ODAD2: variants seen among roughly 807,000 people sequenced by gnomAD.
ODAD2 encodes outer dynein arm-docking complex subunit 2.
Under a neutral mutation model 106.8 loss-of-function variants are expected in ODAD2, and 89 were observed. That is an observed-to-expected ratio of 0.83 (90% confidence interval 0.70 to 0.99). The LOEUF is 0.99. ODAD2 is among the 50% of genes least tolerant of loss of function. The pLI is 0.00. For missense variants in ODAD2, 1,168 were observed against 1,238.5 expected (o/e 0.94, Z 0.85); for synonymous variants, 404 against 436.2 (o/e 0.93, Z 0.92).
At chr10:27,875,841 C>T (rs572961438) in intron 17 of ODAD2, among the ~76,000 whole-genome samples, 6 of 152,272 alleles carry the variant, frequency 3.9e-5, no homozygotes, top group Non-Finnish European at 8.8e-5. Flanking sequence ...CGGGTCACTC[C>T]CACCCTAATA....
intron 9 of ODAD2, among the ~76,000 whole-genome samples, chr10:27,966,186 C>G (rs1848476756): frequency 6.6e-6 from 1 of 152,316 alleles, no homozygotes; most frequent in Admixed American, 6.5e-5. Flanking sequence ...TGATTATGCT[C>G]TCTGGACCCT....
chr10:27,824,428 T>C (rs1252339165), intron 19 of ODAD2, among the ~76,000 whole-genome samples: 1 of 152,178 alleles, frequency 6.6e-6, no homozygotes. Context: ...CCATCTGCTC[T>C]CTGTCTCATG....
intron 19 of ODAD2, among the ~76,000 whole-genome samples, chr10:27,814,152 GA>G (rs937013959): frequency 4.6e-5 from 7 of 152,108 alleles, no homozygotes; most frequent in East Asian, 1.9e-4. Context: ...CAAAATGGGG[GA>G]AAAAAGGGAA....
chr10:27,995,149 C>T lies in ODAD2; in HGVS notation c.-7G>A, dbSNP rs368087120. 1,139 of 1,614,104 alleles carry T rather than the reference C, an allele frequency of 7.1e-4. 2 individuals are homozygous for T. Among genetic ancestry groups the T allele is most frequent in the Non-Finnish European group, 9.1e-4 (1,072 of 1,180,028 alleles). On this transcript the variant is annotated 5_prime_UTR_variant, in exon 2 of 20. Transcript: ENST00000305242. ...TCCTCAGAGCCACACCCATGGGATC[C>T]ACCGTGCTCAGACCTGAGCTTAGCA...
chr10:27,908,577 C>G (rs1349962693), intron 16 of ODAD2, among the ~76,000 whole-genome samples: 1 of 152,010 alleles, frequency 6.6e-6, no homozygotes, highest in Admixed American at 6.6e-5. Flanking sequence ...AAACTCAAAG[C>G]AGATGAAAAA....
intron 7 of ODAD2, among the ~76,000 whole-genome samples, chr10:27,972,441 C>T (rs1848922291): frequency 6.6e-6 from 1 of 152,106 alleles, no homozygotes; most frequent in Admixed American, 6.6e-5. Flanking sequence ...TTAGTAGTTA[C>T]ATCAAATGAA....
rs139517333 is a variant in ODAD2, at chr10:27,936,858, C to T, written c.2120G>A (p.Arg707Gln). The T allele has an allele frequency of 1.4e-4, 230 of 1,611,194 alleles. No individual in the cohort carries two copies. The highest frequency in any genetic ancestry group is 1.7e-4 in the Non-Finnish European group (201 of 1,179,130). Residue 707 changes from arginine (R) to glutamine (Q), a missense_variant, in exon 15 of 20, where the codon CGG becomes CAG. By Grantham distance (43) the Arg-to-Gln change is conservative (BLOSUM62 1). This residue lies in a region of ODAD2 where 701 missense variants were observed against 712.3 expected (regional missense o/e 0.98). Transcript: ENST00000305242. ...IYQCAEDKET[R>Q]DLVRLHGGLK... is the part of the protein sequence containing the mutation. ...TCCTCCGTGCAGCCTAACGAGGTCC[C>T]GGGTTTCCTTATCTTCAGCACACTG...
At chr10:27,916,731 C>A (rs1247907784) in intron 16 of ODAD2, among the ~76,000 whole-genome samples, 2 of 151,988 alleles carry the variant, frequency 1.3e-5, no homozygotes, top group African/African-American at 4.8e-5. Context: ...TGTAAGAAAT[C>A]AGTATATAAC....
chr10:27,914,203 T>G (rs1844206427), intron 16 of ODAD2, among the ~76,000 whole-genome samples: 1 of 152,142 alleles, frequency 6.6e-6, no homozygotes. Context: ...TTATATCCCA[T>G]GCATTGAAAC....
chr10:27,963,560 C>T (rs944738771), intron 9 of ODAD2, among the ~76,000 whole-genome samples: 1 of 152,138 alleles, frequency 6.6e-6, no homozygotes, highest in Non-Finnish European at 1.5e-5. Context: ...TTTCCTCTAA[C>T]TCTGAAATCC....
At chr10:27,858,795 C>A (rs1839836885) in intron 19 of ODAD2, among the ~76,000 whole-genome samples, 1 of 137,334 alleles carries the variant, frequency 7.3e-6, no homozygotes, top group Non-Finnish European at 1.5e-5. Context: ...ACATGTACAC[C>A]TTAGTACATT....
intron 17 of ODAD2, among the ~76,000 whole-genome samples, chr10:27,862,850 G>C (rs956815728): frequency 6.6e-6 from 1 of 152,046 alleles, no homozygotes; most frequent in Non-Finnish European, 1.5e-5. Context: ...TAAAAATTCA[G>C]TTTCAAAAAA....
intron 10 of ODAD2, among the ~76,000 whole-genome samples, chr10:27,946,251 T>C (rs561200081): frequency 6.7e-6 from 1 of 149,678 alleles, no homozygotes; most frequent in African/African-American, 2.4e-5. Context: ...TTTCTATATA[T>C]AAATAGATAA....
At chr10:27,987,242 G>A (rs1697209339) in intron 3 of ODAD2, 144 bp downstream of exon 3, 1 of 646,722 alleles carries the variant, frequency 1.5e-6, no homozygotes, top group Admixed American at 3.2e-5. Flanking sequence ...ACATTTTCAT[G>A]AAGTTGTACA....
At chr10:27,814,373 G>A (rs548124017) in intron 19 of ODAD2, among the ~76,000 whole-genome samples, 2 of 152,288 alleles carry the variant, frequency 1.3e-5, no homozygotes, top group African/African-American at 4.8e-5. Context: ...CTGTCTCAAT[G>A]AGATTAAATA....
intron 19 of ODAD2, among the ~76,000 whole-genome samples, chr10:27,845,253 T>TG (rs1384838135): frequency 4.6e-5 from 7 of 151,908 alleles, no homozygotes; most frequent in Non-Finnish European, 2.9e-5. Flanking sequence ...CAGAAGAGAG[T>TG]GGGGGCTGAT....
At chr10:27,884,914 GCTCAGAAA>G (rs2133607146) in intron 17 of ODAD2, among the ~76,000 whole-genome samples, 1 of 152,214 alleles carries the variant, frequency 6.6e-6, no homozygotes, top group East Asian at 1.9e-4. Context: ...ATGATCCCAG[GCTCAGAAA>G]CTTGTTAATT....
chr10:27,971,007 T>TAAACAAAC, intron 8 of ODAD2, 101 bp downstream of exon 8: 2 of 404,152 alleles, frequency 4.9e-6, no homozygotes, highest in Non-Finnish European at 7.7e-6. Context: ...AATAAATAAA[T>TAAACAAAC]AAACAAACAA....
chr10:27,850,215 C>T (rs557035720), intron 19 of ODAD2, among the ~76,000 whole-genome samples: 60 of 152,156 alleles, frequency 3.9e-4, no homozygotes, highest in African/African-American at 1.3e-3. Flanking sequence ...GAGGCCAAGA[C>T]GGGTGAATCA....
Sources: allele counts gnomAD v4.1 joint callset (sites outside exome capture counted in the v4.1 genomes callset), GRCh38; gene constraint gnomAD v4.1.1; regional missense constraint gnomAD v4.1.1; transcripts MANE v1.5; gene names NCBI Gene and HGNC (gene_info 2026-07-23, HGNC 2026-07-21).